Variants in CLVS1 observed in about 807,000 individuals in gnomAD.
The protein encoded by CLVS1 is clavesin-1.
Under a neutral mutation model 33.1 loss-of-function variants are expected in CLVS1, and 10 were observed. The ratio of observed to expected loss-of-function variants is 0.30; its 90% CI spans 0.19 to 0.51. The LOEUF (loss-of-function observed/expected upper bound fraction) is 0.51. Ranked by LOEUF, CLVS1 falls within the 20% of genes least tolerant of loss-of-function variation. The probability of loss-of-function intolerance (pLI) is 0.97; values close to 1 mark genes in which losing one functional copy is unlikely to be tolerated. For missense variants in CLVS1, 343 were observed against 433.4 expected (o/e 0.79, Z 1.85); for synonymous variants, 163 against 166.1 (o/e 0.98, Z 0.14).
Position 61,499,590 on chromosome 8 carries a change from A to T in CLVS1, c.*48A>T. 7.0e-7 allele frequency: 1 copy of T among 1,438,792 alleles called. No homozygotes were observed. The highest frequency in any genetic ancestry group is 2.3e-5 in the East Asian group (1 of 43,728). The allele number at this position is 1,438,792 out of a possible 1,614,324, so 89.1% of individuals were successfully genotyped here. A position where few individuals can be genotyped will look rare whatever the true frequency, so the allele number is the denominator to read the frequency against. On this transcript the variant is annotated 3_prime_UTR_variant, in exon 6 of 6. Coordinates refer to ENST00000325897, the MANE Select transcript of CLVS1 (RefSeq NM_173519.3). ...CTGCACACTGGCCTTCAGTGGTATCAGCCACCCAGGAAGCACATGCACAAC... is the reference window on the plus strand; with the variant it reads ...CTGCACACTGGCCTTCAGTGGTATCTGCCACCCAGGAAGCACATGCACAAC...
intron 2 of CLVS1, among the ~76,000 whole-genome samples, chr8:61,363,180 A>C (rs1163318821): frequency 6.6e-6 from 1 of 152,202 alleles, no homozygotes; most frequent in Non-Finnish European, 1.5e-5. Flanking sequence ...TATTGAGAAC[A>C]ATCCCTGAGA....
chr8:61,206,514 C>A (rs894459087), intron 2 of CLVS1, among the ~76,000 whole-genome samples: 1 of 152,134 alleles, frequency 6.6e-6, no homozygotes, highest in Non-Finnish European at 1.5e-5. Context: ...TTCCTTAACT[C>A]TCTAAGCCAG....
intron 2 of CLVS1, among the ~76,000 whole-genome samples, chr8:61,258,981 A>G (rs1328036151): frequency 6.6e-6 from 1 of 152,182 alleles, no homozygotes; most frequent in East Asian, 1.9e-4. Context: ...CAAAACATTA[A>G]AAAGTTCCAA....
At chr8:61,120,954 G>A (rs1343966918) in intron 1 of CLVS1, among the ~76,000 whole-genome samples, 17 of 147,920 alleles carry the variant, frequency 1.1e-4, no homozygotes, top group South Asian at 2.2e-4. Context: ...GGGCAATGGC[G>A]GGTGCCCCTC....
upstream of CLVS1, among the ~76,000 whole-genome samples, chr8:61,055,305 A>G (rs1050556012): frequency 2.0e-5 from 3 of 152,214 alleles, no homozygotes; most frequent in East Asian, 3.8e-4. Context: ...GTCACGTTGC[A>G]CCCAAATAAG....
chr8:61,365,768 T>TGC (rs1167639927), intron 2 of CLVS1, among the ~76,000 whole-genome samples: 1 of 141,178 alleles, frequency 7.1e-6, no homozygotes, highest in Non-Finnish European at 1.5e-5. Flanking sequence ...TGTGTGTGTG[T>TGC]GTGTGTGCGT....
intron 5 of CLVS1, among the ~76,000 whole-genome samples, chr8:61,460,624 T>G (rs1817335695): frequency 5.3e-5 from 8 of 152,212 alleles, no homozygotes; most frequent in Admixed American, 5.2e-4. Flanking sequence ...AAGGACTCTC[T>G]GGGAAAGATT....
At chr8:61,267,739 G>T (rs1809340949) in intron 2 of CLVS1, among the ~76,000 whole-genome samples, 1 of 152,038 alleles carries the variant, frequency 6.6e-6, no homozygotes, top group African/African-American at 2.4e-5. Flanking sequence ...AGCTAATTTG[G>T]GTTTATTGCC....
intron 1 of CLVS1, among the ~76,000 whole-genome samples, chr8:61,099,651 G>A (rs994556702): frequency 1.3e-5 from 2 of 151,848 alleles, no homozygotes; most frequent in Non-Finnish European, 2.9e-5. Flanking sequence ...AGGGAGGGAG[G>A]GTCCAAAGAA....
chr8:61,493,580 G>A (rs1362508537), intron 5 of CLVS1, among the ~76,000 whole-genome samples: 1 of 152,170 alleles, frequency 6.6e-6, no homozygotes, highest in African/African-American at 2.4e-5. Context: ...CATTCTTCAA[G>A]CCCAGGCCAG....
chr8:61,384,710 G>C (rs1031962859), intron 3 of CLVS1, among the ~76,000 whole-genome samples: 7 of 152,154 alleles, frequency 4.6e-5, no homozygotes, highest in African/African-American at 1.4e-4. Flanking sequence ...TGAAGGAAGA[G>C]AAAGAGGTTT....
chr8:60,977,439 A>G, the CLVS1 span, among the ~76,000 whole-genome samples: 3 of 152,226 alleles, frequency 2.0e-5, no homozygotes, highest in Non-Finnish European at 4.4e-5. Flanking sequence ...ATGCCAAAGG[A>G]ACAAAGGAAA....
chr8:61,063,073 A>AG (rs1804609364), intron 1 of CLVS1, among the ~76,000 whole-genome samples: 1 of 152,212 alleles, frequency 6.6e-6, no homozygotes, highest in Admixed American at 6.5e-5. Flanking sequence ...GGCCTAAAAA[A>AG]GGTTAAATAT....
At chr8:61,389,916 G>A (rs1048849824) in intron 3 of CLVS1, among the ~76,000 whole-genome samples, 3 of 152,284 alleles carry the variant, frequency 2.0e-5, no homozygotes, top group South Asian at 2.1e-4. Context: ...GAGGGTTTAC[G>A]AGAGTAAAAA....
At chr8:61,449,743 A>G (rs1816885916) in intron 3 of CLVS1, among the ~76,000 whole-genome samples, 1 of 152,154 alleles carries the variant, frequency 6.6e-6, no homozygotes, top group African/African-American at 2.4e-5. Flanking sequence ...ACTTTGATAC[A>G]TAGAGCTAAA....
upstream of CLVS1, among the ~76,000 whole-genome samples, chr8:61,285,091 A>C (rs976414513): frequency 2.6e-5 from 4 of 152,190 alleles, no homozygotes. Flanking sequence ...TTGGACTAAA[A>C]AAAAAGTCTG....
At chr8:61,356,581 T>G (rs1371729583) in intron 2 of CLVS1, among the ~76,000 whole-genome samples, 8 of 151,604 alleles carry the variant, frequency 5.3e-5, no homozygotes, top group Non-Finnish European at 5.9e-5. Context: ...CATCTTGAAT[T>G]AATTTTTGTA....
chr8:61,160,811 C>A (rs891511249), intron 2 of CLVS1, among the ~76,000 whole-genome samples: 13 of 152,110 alleles, frequency 8.5e-5, no homozygotes, highest in Non-Finnish European at 1.5e-5. Flanking sequence ...CTTGACTAGG[C>A]CTCAACCTTG....
intron 3 of CLVS1, among the ~76,000 whole-genome samples, chr8:61,437,179 A>T (rs746979341): frequency 6.6e-6 from 1 of 152,134 alleles, no homozygotes; most frequent in Non-Finnish European, 1.5e-5. Context: ...TCTTCCCAGG[A>T]GCATGGCTAA....
Sources: allele counts gnomAD v4.1 joint callset (sites outside exome capture counted in the v4.1 genomes callset), GRCh38; gene constraint gnomAD v4.1.1; transcripts MANE v1.5; gene names NCBI Gene and HGNC (gene_info 2026-07-23, HGNC 2026-07-21).